Variants in MSH3 observed in about 807,000 individuals in gnomAD.
MSH3 encodes the protein mutS homolog 3, also known as DNA mismatch repair protein Msh3.
Under a neutral mutation model 123.3 loss-of-function variants are expected in MSH3, and 106 were observed. The observed-to-expected ratio is 0.86, with a 90% confidence interval of 0.73 to 1.01. The LOEUF (loss-of-function observed/expected upper bound fraction) is 1.01. Ranked by LOEUF, MSH3 falls within the 50% of genes least tolerant of loss-of-function variation. The pLI, the probability that MSH3 is intolerant of heterozygous loss-of-function variation, is 0.00. For missense variants in MSH3, 1,459 were observed against 1,347.6 expected, an observed-to-expected ratio of 1.08 and a Z score of -1.29; for synonymous variants, 515 against 481.4, an observed-to-expected ratio of 1.07 and a Z score of -0.91.
At chr5:80,732,535 A>C (rs1455540013) in intron 10 of MSH3, among the ~76,000 whole-genome samples, 1 of 152,262 alleles carries the variant, frequency 6.6e-6, no homozygotes, top group East Asian at 1.9e-4. Context: ...ATATTTCCCT[A>C]AAAAACACAT....
At chr5:80,791,366 C>A (rs989486579) in intron 18 of MSH3, among the ~76,000 whole-genome samples, 22 of 151,976 alleles carry the variant, frequency 1.4e-4, no homozygotes, top group Admixed American at 8.5e-4. Context: ...TTTGTTGATA[C>A]AAATGTGAAA....
At chr5:80,780,405 A>G (rs991842778) in intron 17 of MSH3, among the ~76,000 whole-genome samples, 3 of 152,242 alleles carry the variant, frequency 2.0e-5, no homozygotes, top group African/African-American at 7.2e-5. Context: ...CCCAACTTAC[A>G]AATGAATAAA....
At chr5:80,819,177 GC>G (rs1323954840) in intron 20 of MSH3, among the ~76,000 whole-genome samples, 1 of 151,850 alleles carries the variant, frequency 6.6e-6, no homozygotes, top group Non-Finnish European at 1.5e-5. Context: ...GTGGAGTTAT[GC>G]AATAAGAAGG....
intron 23 of MSH3, among the ~76,000 whole-genome samples, chr5:80,873,537 C>T (rs1230196047): frequency 1.3e-5 from 2 of 152,160 alleles, no homozygotes; most frequent in Non-Finnish European, 2.9e-5. Context: ...ATTAAGTTAA[C>T]TCCTTAATAT....
intron 10 of MSH3, among the ~76,000 whole-genome samples, chr5:80,739,901 A>G (rs1743580601): frequency 6.6e-6 from 1 of 152,168 alleles, no homozygotes; most frequent in African/African-American, 2.4e-5. Context: ...GTTCTGGGTG[A>G]GGGCTTGTTT....
In MSH3 at chr5:80,670,289, T is replaced by C; in HGVS notation, c.772T>C (p.Phe258Leu). The C allele has an allele frequency of 6.2e-7, 1 of 1,614,174 alleles. No individual in the cohort carries two copies. The highest frequency in any genetic ancestry group is 8.5e-7 in the Non-Finnish European group (1 of 1,180,026). The stretch of plus-strand genomic sequence containing the variant: ...TGTGGAATGTGGATATAAGTATAGA[T>C]TCTTTGGGGAAGATGCAGAGGTAAG... ...LCVECGYKYRFFGEDAEIAAR... is the reference protein window; with the variant it reads ...LCVECGYKYRLFGEDAEIAAR... Residue 258 changes from phenylalanine to leucine, a missense_variant, in exon 4 of 24, where the codon TTC becomes CTC. Coordinates refer to ENST00000265081, the MANE Select transcript of MSH3 (RefSeq NM_002439.5).
At chr5:80,865,754 T>A (rs1746087837) in intron 22 of MSH3, among the ~76,000 whole-genome samples, 1 of 152,156 alleles carries the variant, frequency 6.6e-6, no homozygotes, top group Admixed American at 6.5e-5. Context: ...GGAAAATCCA[T>A]CATGCAAGAT....
At chr5:80,701,956 T>G (rs1314080086) in intron 8 of MSH3, among the ~76,000 whole-genome samples, 1 of 152,148 alleles carries the variant, frequency 6.6e-6, no homozygotes, top group Non-Finnish European at 1.5e-5. Flanking sequence ...GTATGGTTTT[T>G]CTGTACAGTT....
At chr5:80,686,248 GGA>G (rs1750086327) in intron 8 of MSH3, among the ~76,000 whole-genome samples, 1 of 152,098 alleles carries the variant, frequency 6.6e-6, no homozygotes, top group Non-Finnish European at 1.5e-5. Flanking sequence ...TTTTCTGTCT[GGA>G]AGATCTGTCC....
chr5:80,816,493 T>G (rs59994464), intron 20 of MSH3, among the ~76,000 whole-genome samples: 6,622 of 152,280 alleles, frequency 0.043, 465 homozygotes, highest in African/African-American at 0.15. Context: ...AGCATAGCCA[T>G]GTCATTTTAG....
At chr5:80,728,567 G>A (rs1280576436) in intron 9 of MSH3, among the ~76,000 whole-genome samples, 2 of 151,858 alleles carry the variant, frequency 1.3e-5, no homozygotes, top group African/African-American at 2.4e-5. Flanking sequence ...AAAGGGGATG[G>A]GCATTTTACA....
chr5:80,837,451 C>A (rs138779625), intron 20 of MSH3, among the ~76,000 whole-genome samples: 41 of 152,114 alleles, frequency 2.7e-4, no homozygotes, highest in African/African-American at 8.9e-4. Flanking sequence ...TGGTGGTGCA[C>A]GCCTGTGGTC....
At chr5:80,828,837 T>C (rs1014702710) in intron 20 of MSH3, among the ~76,000 whole-genome samples, 11 of 152,212 alleles carry the variant, frequency 7.2e-5, no homozygotes, top group Non-Finnish European at 1.5e-5. Flanking sequence ...GTGTGAGGAT[T>C]GGATCCCAGG....
intron 8 of MSH3, among the ~76,000 whole-genome samples, chr5:80,723,681 A>G (rs1179310381): frequency 1.3e-5 from 2 of 152,246 alleles, no homozygotes; most frequent in Admixed American, 6.5e-5. Context: ...AATGAAAAGC[A>G]TGAAATGATA....
chr5:80,710,528 T>C (rs1750837515), intron 8 of MSH3, among the ~76,000 whole-genome samples: 1 of 152,218 alleles, frequency 6.6e-6, no homozygotes, highest in Non-Finnish European at 1.5e-5. Context: ...AAAGCAGCTT[T>C]ATTTATGAAG....
At chr5:80,686,224 C>T (rs566580410) in intron 8 of MSH3, among the ~76,000 whole-genome samples, 4 of 152,176 alleles carry the variant, frequency 2.6e-5, no homozygotes, top group East Asian at 1.9e-4. Context: ...TTAAGTCTGA[C>T]GTTTCTTTAT....
At chr5:80,718,125 GCT>G (rs1431966581) in intron 8 of MSH3, among the ~76,000 whole-genome samples, 1 of 152,180 alleles carries the variant, frequency 6.6e-6, no homozygotes, top group Non-Finnish European at 1.5e-5. Context: ...CACTCTAGAA[GCT>G]CTCTCTGCCT....
At chr5:80,749,987 AT>A (rs1390446050) in intron 12 of MSH3, among the ~76,000 whole-genome samples, 1 of 149,984 alleles carries the variant, frequency 6.7e-6, no homozygotes, top group African/African-American at 2.5e-5. Flanking sequence ...TGCCTGGCTT[AT>A]TTCACTTTGC....
intron 8 of MSH3, among the ~76,000 whole-genome samples, chr5:80,691,591 A>C (rs1011975994): frequency 3.3e-5 from 5 of 150,668 alleles, no homozygotes; most frequent in Non-Finnish European, 7.4e-5. Flanking sequence ...GATGTTTTTC[A>C]GTGCAATTCT....
Sources: gnomAD v4.1 joint callset for allele counts (sites outside exome capture counted in the v4.1 genomes callset) on GRCh38, gnomAD v4.1.1 for gene constraint, MANE v1.5 for transcripts, NCBI Gene and HGNC (gene_info 2026-07-23, HGNC 2026-07-21) for gene names.